The following PDE10A variants were observed in gnomAD, a reference collection of about 807,000 sequenced individuals.
The protein encoded by PDE10A is cAMP and cAMP-inhibited cGMP 3',5'-cyclic phosphodiesterase 10A.
A neutral mutation model predicts 97.7 loss-of-function variants in PDE10A; 39 were observed. The ratio of observed to expected loss-of-function variants is 0.40; its 90% CI spans 0.31 to 0.52. The LOEUF (loss-of-function observed/expected upper bound fraction) is 0.52. PDE10A is among the 20% of genes least tolerant of loss of function. The pLI is 0.56. For synonymous variants in PDE10A, 371 were observed against 376.8 expected (o/e 0.98, Z 0.18); for missense variants, 731 against 1,047.8 (o/e 0.70, Z 4.17).
intron 1 of PDE10A, among the ~76,000 whole-genome samples, chr6:165,719,205 G>A (rs1237076473): frequency 6.6e-6 from 1 of 152,150 alleles, no homozygotes; most frequent in East Asian, 1.9e-4. Context: ...AAGTAACACA[G>A]GAAAATCACC....
intron 1 of PDE10A, among the ~76,000 whole-genome samples, chr6:165,578,639 C>T (rs1267754069): frequency 8.8e-6 from 1 of 113,756 alleles, no homozygotes; most frequent in African/African-American, 2.9e-5. Context: ...TAACTCTTTC[C>T]TACTAAATGC....
At chr6:165,730,951 C>G (rs1332493922) in intron 1 of PDE10A, among the ~76,000 whole-genome samples, 2 of 152,084 alleles carry the variant, frequency 1.3e-5, no homozygotes, top group Non-Finnish European at 2.9e-5. Context: ...GAGGCTGAGG[C>G]AGGAGAATCG....
rs183725734 is a variant in PDE10A at position 165,968,459 on chromosome 6, A to G, written c.-615+19070T>C. ...CACAATGGGGGTCTCTTACCTACATAGATTTCTAGAAAATGGGCCAAACAT... is the reference window on the plus strand; with the variant it reads ...CACAATGGGGGTCTCTTACCTACATGGATTTCTAGAAAATGGGCCAAACAT... On this transcript the variant is annotated intron_variant, in intron 1 of 19. Coordinates refer to the PDE10A transcript ENST00000366882. Among the ~76,000 whole-genome samples the G allele has an allele frequency of 7.9e-5, 12 of 152,312 alleles. No individual in the cohort carries two copies. The East Asian group carries it at 2.1e-3, about 27-fold the overall frequency.
chr6:165,983,287 T>A (rs1333594216), intron 1 of PDE10A, among the ~76,000 whole-genome samples: 3 of 152,222 alleles, frequency 2.0e-5, no homozygotes, highest in African/African-American at 7.2e-5. Flanking sequence ...ATAAGGAATC[T>A]TCTAATGAGA....
At chr6:165,371,222 C>A (rs1044003445) in intron 18 of PDE10A, among the ~76,000 whole-genome samples, 1 of 151,616 alleles carries the variant, frequency 6.6e-6, no homozygotes, top group Non-Finnish European at 1.5e-5. Flanking sequence ...CAAGAAATAA[C>A]TAAAATCAGA....
chr6:165,500,697 T>A (rs531903152), intron 2 of PDE10A, among the ~76,000 whole-genome samples: 1 of 151,846 alleles, frequency 6.6e-6, no homozygotes, highest in Admixed American at 6.6e-5. Flanking sequence ...GGAAGATAAA[T>A]GAAAGAGGAA....
chr6:165,466,001 G>T (rs542266199), intron 3 of PDE10A, among the ~76,000 whole-genome samples: 1 of 152,176 alleles, frequency 6.6e-6, no homozygotes, highest in Admixed American at 6.5e-5. Flanking sequence ...AGGACAGAAC[G>T]ATCATGGCTG....
At chr6:165,674,392 G>A (rs1396736553) in intron 1 of PDE10A, among the ~76,000 whole-genome samples, 4 of 151,814 alleles carry the variant, frequency 2.6e-5, no homozygotes, top group Non-Finnish European at 5.9e-5. Flanking sequence ...TTCTAGATCC[G>A]CCACATCCCA....
At chr6:165,679,186 C>T (rs1790907264) in intron 1 of PDE10A, among the ~76,000 whole-genome samples, 1 of 152,170 alleles carries the variant, frequency 6.6e-6, no homozygotes, top group Non-Finnish European at 1.5e-5. Context: ...GTAGGTAGGA[C>T]AGGGCTCATC....
chr6:165,566,281 C>T (rs921313135), intron 1 of PDE10A, among the ~76,000 whole-genome samples: 12 of 152,170 alleles, frequency 7.9e-5, no homozygotes, highest in Non-Finnish European at 1.0e-4. Context: ...TTAACACATA[C>T]GTCATCAAAA....
chr6:165,763,328 T>C (rs1276889582), intron 1 of PDE10A, among the ~76,000 whole-genome samples: 2 of 152,166 alleles, frequency 1.3e-5, no homozygotes, highest in Non-Finnish European at 2.9e-5. Flanking sequence ...TCTGTGTTTG[T>C]TTGTTTGTTT....
At chr6:165,409,419 TG>T (rs1168758168) in intron 13 of PDE10A, 1 of 152,436 alleles carries the variant, frequency 6.6e-6, no homozygotes, top group Non-Finnish European at 1.5e-5. Context: ...TGGTAACGCA[TG>T]CCTGTAATCC....
rs1339293279 is a variant in PDE10A at position 165,662,688 on chromosome 6, C to G, written c.124G>C (p.Gly42Arg). The G allele has an allele frequency of 6.9e-6, 1 of 145,768 alleles. No individual in the cohort carries two copies. The highest frequency in any genetic ancestry group is 1.5e-5 in the Non-Finnish European group (1 of 65,550). 9.0% of individuals were successfully genotyped at this position (145,768 alleles called of 1,614,324 possible). A position where few individuals can be genotyped will look rare whatever the true frequency, so the allele number is the denominator to read the frequency against. ...PEPRLSAAGGGSAAGPGPAPE... is the reference protein window; with the variant it reads ...PEPRLSAAGGRSAAGPGPAPE... ...GCCGGGCCCGGGCCCGCCGCGCTCC[C>G]CCCGCCGGCCGCGCTGAGCCGGGGT... is the stretch of plus-strand genomic sequence containing the variant. The change falls in exon 1 of 22, where the codon GGG becomes CGG. Residue 42 changes from glycine to arginine, a missense_variant. Transcript: ENST00000539869.
intron 2 of PDE10A, among the ~76,000 whole-genome samples, chr6:165,519,871 G>C (rs1438345282): frequency 6.6e-6 from 1 of 152,106 alleles, no homozygotes; most frequent in East Asian, 1.9e-4. Context: ...GTGATGAACA[G>C]GGTAGGGAAG....
At chr6:165,916,711 A>G (rs1376002487) in intron 1 of PDE10A, among the ~76,000 whole-genome samples, 1 of 152,252 alleles carries the variant, frequency 6.6e-6, no homozygotes, top group Non-Finnish European at 1.5e-5. Context: ...GATTGTAAAA[A>G]TAAATAAACA....
chr6:165,704,934 T>C (rs897979052), intron 1 of PDE10A, among the ~76,000 whole-genome samples: 1 of 152,162 alleles, frequency 6.6e-6, no homozygotes, highest in Non-Finnish European at 1.5e-5. Flanking sequence ...ACAGGATAAT[T>C]TGTACCACAC....
Position 165,356,938 on chromosome 6 carries a change from ACCT to A in PDE10A, c.2784-13439_2784-13437del, listed in dbSNP as rs540626998. 3.9e-5 allele frequency among the ~76,000 whole-genome samples: 6 copies of A among 152,150 alleles called. No individual in the cohort carries two copies. In the South Asian group the frequency reaches 1.2e-3, roughly 32 times the overall value. On this transcript the variant is annotated intron_variant, in intron 18 of 21. Transcript: ENST00000539869. ...TTCTTTCTATAATTCACTGGCTAGG[ACCT>A]CCAATTCAGAGTACTACAGAACTAG...
chr6:165,962,955 C>T (rs1425194301), intron 1 of PDE10A, among the ~76,000 whole-genome samples: 2 of 152,204 alleles, frequency 1.3e-5, no homozygotes, highest in Non-Finnish European at 2.9e-5. Flanking sequence ...ATGAAGCAAG[C>T]ATGCATACGT....
At chr6:165,832,243 G>A (rs1389577120) in intron 1 of PDE10A, among the ~76,000 whole-genome samples, 2 of 152,088 alleles carry the variant, frequency 1.3e-5, no homozygotes, top group African/African-American at 4.8e-5. Context: ...CTTCCTCGGT[G>A]GGAGACAGAA....
Sources: allele counts gnomAD v4.1 joint callset (sites outside exome capture counted in the v4.1 genomes callset), GRCh38; gene constraint gnomAD v4.1.1; transcripts MANE v1.5; gene names NCBI Gene and HGNC (gene_info 2026-07-23, HGNC 2026-07-21).